Variants in SAXO1 observed in about 807,000 individuals in gnomAD.
SAXO1 encodes stabilizer of axonemal microtubules 1.
A neutral mutation model predicts 17.5 loss-of-function variants in SAXO1; 21 were observed. The observed-to-expected ratio is 1.20, with a 90% CI of 0.85 to 1.72. SAXO1 has a LOEUF of 1.72. SAXO1 is among the 40% of genes most tolerant of loss of function. SAXO1 has a pLI of 0.00. For missense variants in SAXO1, 843 were observed against 596.0 expected (o/e 1.41, Z -4.32); for synonymous variants, 274 against 216.5 (o/e 1.27, Z -2.33).
chr9:18,959,669 G>A (rs920223606), intron 1 of SAXO1, among the ~76,000 whole-genome samples: 4 of 152,070 alleles, frequency 2.6e-5, no homozygotes, highest in African/African-American at 9.7e-5. Flanking sequence ...TACTTGCGAG[G>A]CTGAGGCAGG....
At chr9:19,009,826 G>GTTTT (rs1166123481) in intron 1 of SAXO1, among the ~76,000 whole-genome samples, 1 of 112,214 alleles carries the variant, frequency 8.9e-6, no homozygotes, top group Non-Finnish European at 2.0e-5. Flanking sequence ...AAGTTTTGGG[G>GTTTT]TTTTCTTTTT....
intron 1 of SAXO1, among the ~76,000 whole-genome samples, chr9:19,017,726 G>A (rs1459881227): frequency 7.2e-5 from 11 of 152,146 alleles, no homozygotes; most frequent in Admixed American, 5.9e-4. Flanking sequence ...AGCTTTCCCT[G>A]GTCCATCATT....
intron 3 of SAXO1, among the ~76,000 whole-genome samples, chr9:18,930,975 G>A (rs1246029589): frequency 1.3e-5 from 2 of 152,160 alleles, no homozygotes; most frequent in East Asian, 1.9e-4. Flanking sequence ...AGGAGCCTTG[G>A]GTATACACAC....
chr9:18,927,793 C>A lies in SAXO1; in HGVS notation c.*259G>T. 1 of 387,946 alleles carries A rather than the reference C, an allele frequency of 2.6e-6. No homozygotes were observed. Among genetic ancestry groups the A allele is most frequent in the East Asian group, 3.8e-5 (1 of 26,276 alleles). 24.0% of individuals were successfully genotyped at this position (387,946 alleles called of 1,614,324 possible). A position where few individuals can be genotyped will look rare whatever the true frequency, so the allele number is the denominator to read the frequency against. ...AACCCTCACAGACCAACTTTGATTC[C>A]ATAAGCACAAAGTAAAGGACCTGAA... On this transcript the variant is annotated 3_prime_UTR_variant, in exon 4 of 4. Transcript: ENST00000380534.
chr9:18,990,030 T>TTGCAAAGGAGAGAGAACAGATG (rs1435086310), intron 1 of SAXO1, among the ~76,000 whole-genome samples: 2 of 152,174 alleles, frequency 1.3e-5, no homozygotes, highest in African/African-American at 2.4e-5. Context: ...CCACCTTTAT[T>TTGCAAAGGAGAGAGAACAGATG]TTGCAAAGGA....
intron 2 of SAXO1, among the ~76,000 whole-genome samples, chr9:18,946,279 C>CAAAAAAAA (rs56858815): frequency 2.9e-5 from 1 of 34,482 alleles, no homozygotes; most frequent in Non-Finnish European, 7.3e-5. Context: ...TTCATCTCAC[C>CAAAAAAAA]AAAAAAAAAA....
intron 3 of SAXO1, among the ~76,000 whole-genome samples, chr9:18,932,216 T>C (rs966604372): frequency 1.3e-5 from 2 of 152,264 alleles, no homozygotes; most frequent in South Asian, 2.1e-4. Context: ...TCTTTTGAGT[T>C]TGGATGCGGT....
intron 1 of SAXO1, among the ~76,000 whole-genome samples, chr9:18,987,557 G>C (rs138609753): frequency 3.1e-4 from 47 of 152,248 alleles, no homozygotes; most frequent in African/African-American, 1.1e-3. Context: ...CCTGTATTCA[G>C]TAATGTTATG....
chr9:19,033,037 G>A lies in SAXO1; in HGVS notation c.-129C>T, dbSNP rs7035738. 404,789 of 974,778 alleles carry A rather than the reference G, an allele frequency of 0.42. 88,121 individuals carry two copies. The highest frequency in any genetic ancestry group is 0.64 in the African/African-American group (38,426 of 59,842). The allele number at this position is 974,778 out of a possible 1,614,324, so 60.4% of individuals were successfully genotyped here. A position where few individuals can be genotyped will look rare whatever the true frequency, so the allele number is the denominator to read the frequency against. ...TTGGCAGGTGTTCTGTTTACTCGAA[G>A]GAAAATTTAAGTGGCCCTTTTGCAA... On this transcript the variant is annotated 5_prime_UTR_variant, in exon 1 of 4. Coordinates refer to ENST00000380534, the MANE Select transcript of SAXO1 (RefSeq NM_153707.4).
intron 1 of SAXO1, among the ~76,000 whole-genome samples, chr9:18,962,205 T>C (rs1035742993): frequency 2.6e-5 from 4 of 152,192 alleles, no homozygotes; most frequent in Admixed American, 2.6e-4. Flanking sequence ...GTAGCTGGAA[T>C]TATAGGCATG....
At chr9:18,939,184 G>A (rs1438402390) in intron 3 of SAXO1, among the ~76,000 whole-genome samples, 1 of 152,164 alleles carries the variant, frequency 6.6e-6, no homozygotes, top group Non-Finnish European at 1.5e-5. Flanking sequence ...AGCGCTTACT[G>A]CAGTTTCATT....
chr9:19,024,086 A>C (rs1279961048), intron 1 of SAXO1, among the ~76,000 whole-genome samples: 5 of 140,028 alleles, frequency 3.6e-5, no homozygotes, highest in Admixed American at 1.5e-4. Context: ...CCAGCTCAAA[A>C]TCCATCCATG....
At position 19,046,958 on chromosome 9, in the gene SAXO1, G is replaced by A. The variant is rs577149646; in HGVS notation, c.-158+2251C>T. On this transcript the variant is annotated intron_variant, in intron 1 of 3. Transcript: ENST00000542071. ...CCCCAGCACTTTGGGAAGCTGAGGC[G>A]GGCAGATCACTTAAGACCAGCAGTT... Among the ~76,000 whole-genome samples, 17 of 152,310 alleles carry A rather than the reference G, an allele frequency of 1.1e-4. No individual in the cohort carries two copies. The South Asian group carries it at 2.7e-3, about 24-fold the overall frequency.
intron 1 of SAXO1, among the ~76,000 whole-genome samples, chr9:19,025,237 A>G (rs1047288566): frequency 1.3e-5 from 2 of 152,140 alleles, no homozygotes; most frequent in African/African-American, 4.8e-5. Flanking sequence ...AAGATAAGTC[A>G]TCAGCAAGTA....
intron 1 of SAXO1, among the ~76,000 whole-genome samples, chr9:18,964,828 G>T (rs1832648490): frequency 2.6e-5 from 4 of 152,074 alleles, no homozygotes; most frequent in Admixed American, 2.6e-4. Flanking sequence ...TGCTTCTCTA[G>T]TTCTTTTAAT....
At chr9:19,020,387 G>A (rs1835170995) in intron 1 of SAXO1, among the ~76,000 whole-genome samples, 1 of 147,790 alleles carries the variant, frequency 6.8e-6, no homozygotes, top group Non-Finnish European at 1.5e-5. Flanking sequence ...CTTGTTTCCT[G>A]GGCTGGGATT....
At chr9:19,027,380 G>C (rs960703290) in intron 1 of SAXO1, 6 of 768,974 alleles carry the variant, frequency 7.8e-6, no homozygotes, top group Admixed American at 1.7e-5. Flanking sequence ...GTGGATGAGA[G>C]ACCCACGGAG....
chr9:18,985,648 G>A (rs1281261297), intron 1 of SAXO1, among the ~76,000 whole-genome samples: 1 of 152,182 alleles, frequency 6.6e-6, no homozygotes, highest in Non-Finnish European at 1.5e-5. Flanking sequence ...GAGCCCAAGG[G>A]CCTCTGCAAG....
chr9:19,005,712 A>C (rs1299328052), intron 1 of SAXO1, among the ~76,000 whole-genome samples: 1 of 152,230 alleles, frequency 6.6e-6, no homozygotes, highest in Non-Finnish European at 1.5e-5. Flanking sequence ...ATGACATTGG[A>C]TTTGGCAATG....
Sources: gnomAD v4.1 joint callset for allele counts (sites outside exome capture counted in the v4.1 genomes callset) on GRCh38, gnomAD v4.1.1 for gene constraint, MANE v1.5 for transcripts, NCBI Gene and HGNC (gene_info 2026-07-23, HGNC 2026-07-21) for gene names.